NLN: variants seen among roughly 807,000 people sequenced by gnomAD.
The protein encoded by NLN is neurolysin, mitochondrial.
NLN carries 64 observed loss-of-function variants against 79.9 expected under a neutral mutation model. The observed-to-expected ratio is 0.80, with a 90% CI of 0.65 to 0.99. The LOEUF is 0.99. Among genes scored for constraint, NLN ranks in the 50% least tolerant of loss-of-function variants. The probability of loss-of-function intolerance (pLI) is 0.00; values close to 1 mark genes in which losing one functional copy is unlikely to be tolerated. For synonymous variants in NLN, 267 were observed against 296.6 expected (o/e 0.90, Z 1.02); for missense variants, 835 against 858.7 (o/e 0.97, Z 0.34).
chr5:65,809,725 G>A (rs1194875551), intron 10 of NLN, 24 bp downstream of exon 10: 2 of 1,521,762 alleles, frequency 1.3e-6, no homozygotes, highest in Non-Finnish European at 8.9e-7. Context: ...TTTTAAAAAG[G>A]AAAATAAATT....
Position 65,809,542 on chromosome 5 carries a change from A to G in NLN, c.1555A>G (p.Asn519Asp), listed in dbSNP as rs377472112. ...QTDFARFSGT[N>D]VETDFVEVPS... ...TGATTTTGCACGATTTAGCGGAACA[A>G]ATGTGGAAACTGACTTTGTAGAGGT... Residue 519 changes from asparagine (N) to aspartate (D), a missense_variant, in exon 10 of 13, where the codon AAT becomes GAT. Transcript: ENST00000380985. 1.2e-6 allele frequency: 2 copies of G among 1,605,766 alleles called. No individual in the cohort carries two copies. The highest frequency in any genetic ancestry group is 1.3e-5 in the African/African-American group (1 of 74,342).
chr5:65,773,147 T>TC (rs35264132), intron 3 of NLN, among the ~76,000 whole-genome samples: 3 of 147,124 alleles, frequency 2.0e-5, no homozygotes, highest in African/African-American at 7.6e-5. Context: ...TTTTTTTTTT[T>TC]CTGCAACAGG....
At chr5:65,732,054 A>G (rs1192852553) in intron 1 of NLN, among the ~76,000 whole-genome samples, 3 of 152,086 alleles carry the variant, frequency 2.0e-5, no homozygotes, top group African/African-American at 4.8e-5. Context: ...CCCAGCATCT[A>G]CATTTTCTTC....
At chr5:65,735,677 A>T (rs985348407) in intron 1 of NLN, among the ~76,000 whole-genome samples, 1 of 152,202 alleles carries the variant, frequency 6.6e-6, no homozygotes, top group Non-Finnish European at 1.5e-5. Context: ...TACAAATGTG[A>T]CATGTCATAC....
intron 8 of NLN, among the ~76,000 whole-genome samples, chr5:65,791,539 C>G (rs1760057925): frequency 6.6e-6 from 1 of 152,086 alleles, no homozygotes; most frequent in Admixed American, 6.6e-5. Context: ...GCCTGGGCAA[C>G]AGAGCAAGAC....
At chr5:65,761,163 T>C (rs939532620) in intron 2 of NLN, among the ~76,000 whole-genome samples, 2 of 152,192 alleles carry the variant, frequency 1.3e-5, no homozygotes, top group African/African-American at 4.8e-5. Flanking sequence ...GAAATGGCTT[T>C]CAGCACCTTT....
intron 1 of NLN, chr5:65,733,206 C>T (rs1372852876): frequency 1.3e-6 from 2 of 1,513,284 alleles, no homozygotes; most frequent in South Asian, 2.3e-5. Context: ...AAAGGAGCTG[C>T]ATCTGATTCA....
At chr5:65,723,763 C>G (rs113360091) in intron 1 of NLN, among the ~76,000 whole-genome samples, 28,920 of 140,744 alleles carry the variant, frequency 0.21, 3,040 homozygotes, top group Middle Eastern at 0.25. Flanking sequence ...TGCAGTGAGC[C>G]GAGATCGCAC....
At position 65,780,286 on chromosome 5, in the gene NLN, GT is replaced by G; in HGVS notation, c.661+9del. On this transcript the variant is annotated splice_donor_region_variant and intron_variant, in intron 5 of 12. Transcript: ENST00000380985. ...TATTTTCCAAGGCTGAACTTGGTAA[GT>G]TTTATTATTTTTCTAGATTAAATCA... 3 of 1,226,186 alleles carry G rather than the reference GT, an allele frequency of 2.4e-6. No individual in the cohort carries two copies. Among genetic ancestry groups the G allele is most frequent in the Non-Finnish European group, 3.5e-6 (3 of 859,918 alleles). The allele number at this position is 1,226,186 out of a possible 1,614,324, so 76.0% of individuals were successfully genotyped here. A position where few individuals can be genotyped will look rare whatever the true frequency, so the allele number is the denominator to read the frequency against.
chr5:65,729,179 C>T (rs1160394376), intron 1 of NLN, among the ~76,000 whole-genome samples: 1 of 151,916 alleles, frequency 6.6e-6, no homozygotes, highest in Non-Finnish European at 1.5e-5. Flanking sequence ...ACAATATTTA[C>T]AGGTCTAAGT....
chr5:65,729,369 C>CTTTTTTTT (rs34963968), intron 1 of NLN, among the ~76,000 whole-genome samples: 1 of 101,066 alleles, frequency 9.9e-6, no homozygotes, highest in African/African-American at 4.0e-5. Context: ...GTTTTCTTTT[C>CTTTTTTTT]TTTTTTTTTT....
Position 65,780,729 on chromosome 5 carries a change from G to A in NLN, c.661+448G>A, listed in dbSNP as rs543191291. On this transcript the variant is annotated intron_variant, in intron 5 of 12. Coordinates refer to ENST00000380985, the MANE Select transcript of NLN (RefSeq NM_020726.5). ...TCGCTCTGTTGCCAGGCTGGAGTGC[G>A]ATGGCGCAATCTCGCCTCACTGCAA... Among the ~76,000 whole-genome samples the A allele has an allele frequency of 2.2e-4, 33 of 152,042 alleles. No homozygotes were observed. The Middle Eastern group carries it at 0.01, about 47-fold the overall frequency.
intron 12 of NLN, 107 bp from the exon 13 acceptor site, chr5:65,822,674 G>A (rs1186159836): frequency 1.3e-6 from 1 of 793,534 alleles, no homozygotes; most frequent in Non-Finnish European, 2.2e-6. Flanking sequence ...GACAGAGTAA[G>A]GCTAAAGTCC....
intron 3 of NLN, among the ~76,000 whole-genome samples, chr5:65,765,082 A>T (rs1217716585): frequency 1.3e-5 from 2 of 152,184 alleles, no homozygotes; most frequent in African/African-American, 2.4e-5. Context: ...ATGATATAGC[A>T]TATAAAGCCT....
At chr5:65,750,141 T>C (rs1759072162) in intron 1 of NLN, among the ~76,000 whole-genome samples, 1 of 152,198 alleles carries the variant, frequency 6.6e-6, no homozygotes, top group Admixed American at 6.5e-5. Flanking sequence ...TCATGTGGAA[T>C]CTCAGGAATG....
chr5:65,803,739 G>A (rs1164230392), intron 9 of NLN, among the ~76,000 whole-genome samples: 1 of 152,040 alleles, frequency 6.6e-6, no homozygotes, highest in Non-Finnish European at 1.5e-5. Context: ...ACCTGGGTCA[G>A]CAGCCACAGC....
At chr5:65,754,270 G>A (rs1221482403) in intron 1 of NLN, among the ~76,000 whole-genome samples, 7 of 152,032 alleles carry the variant, frequency 4.6e-5, no homozygotes, top group East Asian at 1.9e-4. Flanking sequence ...CTGTTTTATC[G>A]TAAATCAGAT....
chr5:65,801,470 A>G (rs1760284515), intron 9 of NLN, among the ~76,000 whole-genome samples: 1 of 152,188 alleles, frequency 6.6e-6, no homozygotes, highest in South Asian at 2.1e-4. Flanking sequence ...TCTCTTGAGA[A>G]TTCGGTTGTT....
chr5:65,758,907 C>G, intron 2 of NLN, 81 bp downstream of exon 2: 1 of 1,297,572 alleles, frequency 7.7e-7, no homozygotes, highest in Non-Finnish European at 1.1e-6. Context: ...TTTCAGTTTT[C>G]CAGTTTTACA....
Sources: gnomAD v4.1 joint callset for allele counts (sites outside exome capture counted in the v4.1 genomes callset) on GRCh38, gnomAD v4.1.1 for gene constraint, MANE v1.5 for transcripts, NCBI Gene and HGNC (gene_info 2026-07-23, HGNC 2026-07-21) for gene names.